Variants in AAK1 observed in about 807,000 individuals in gnomAD.
AAK1 encodes the protein AP2 associated kinase 1.
AAK1 carries 37 observed loss-of-function variants against 116.0 expected under a neutral mutation model. The observed-to-expected ratio is 0.32, with a 90% confidence interval of 0.25 to 0.42. The LOEUF (loss-of-function observed/expected upper bound fraction) is 0.42. Among genes scored for constraint, AAK1 ranks in the 10% least tolerant of loss-of-function variants. The probability of loss-of-function intolerance (pLI) is 1.00; values close to 1 mark genes in which losing one functional copy is unlikely to be tolerated. For synonymous variants in AAK1, 458 were observed against 439.9 expected, an observed-to-expected ratio of 1.04 and a Z score of -0.51; for missense variants, 919 against 1,170.6, an observed-to-expected ratio of 0.79 and a Z score of 3.14.
intron 3 of AAK1, among the ~76,000 whole-genome samples, chr2:69,553,630 C>G (rs72837959): frequency 1.1e-4 from 16 of 151,130 alleles, no homozygotes; most frequent in African/African-American, 3.9e-4. Flanking sequence ...TTTTAGTAGA[C>G]AAGGGTTTCC....
rs138493453 is a variant in AAK1 at position 69,478,927 on chromosome 2, G to T, written c.2680+24C>A. The T allele has an allele frequency of 2.0e-4, 303 of 1,544,846 alleles. No homozygotes were observed. The Middle Eastern group carries it at 2.0e-3, about 10-fold the overall frequency. On this transcript the variant is annotated intron_variant, in intron 20 of 21. Transcript: ENST00000409085. ...CTTTCCCCTCTAAGGACACATGTGG[G>T]CCTGAGAAGAAGAAAGCATTTACCT...
intron 2 of AAK1, among the ~76,000 whole-genome samples, chr2:69,624,349 A>G (rs983562137): frequency 1.3e-5 from 2 of 152,246 alleles, no homozygotes; most frequent in African/African-American, 4.8e-5. Flanking sequence ...GGTTAAGTAA[A>G]TTGCAACATC....
chr2:69,533,726 C>T (rs1383191732), intron 5 of AAK1, among the ~76,000 whole-genome samples: 1 of 152,148 alleles, frequency 6.6e-6, no homozygotes, highest in Non-Finnish European at 1.5e-5. Flanking sequence ...TAGCTGGGGG[C>T]ACTACTACCC....
chr2:69,500,692 TATATATACACACACAC>T (rs1484864235), intron 16 of AAK1, among the ~76,000 whole-genome samples: 7 of 113,474 alleles, frequency 6.2e-5, no homozygotes, highest in African/African-American at 2.8e-4. Context: ...TATATATATA[TATATATACACACACAC>T]ACACACACAC....
chr2:69,537,720 T>C (rs1670535131), intron 5 of AAK1, among the ~76,000 whole-genome samples: 1 of 152,182 alleles, frequency 6.6e-6, no homozygotes, highest in African/African-American at 2.4e-5. Flanking sequence ...ACAGGAGCAC[T>C]TGGGGAAGCT....
At chr2:69,496,330 T>C (rs181852711) in intron 16 of AAK1, among the ~76,000 whole-genome samples, 1,612 of 143,150 alleles carry the variant, frequency 0.011, 29 homozygotes, top group African/African-American at 0.042. Flanking sequence ...TGGAGTGCAA[T>C]GGCACAATCT....
At chr2:69,574,498 G>A (rs190350189) in intron 2 of AAK1, among the ~76,000 whole-genome samples, 169 of 151,778 alleles carry the variant, frequency 1.1e-3, no homozygotes, top group African/African-American at 4.1e-3. Flanking sequence ...CTGGAGCCAG[G>A]GAGTTCAAGG....
intron 16 of AAK1, 98 bp downstream of exon 16, chr2:69,505,471 T>C: frequency 1.2e-6 from 1 of 809,140 alleles, no homozygotes; most frequent in Non-Finnish European, 2.0e-6. Context: ...ACTGCCAGGA[T>C]TTGGATTTCA....
At chr2:69,544,349 G>A (rs551977004) in intron 4 of AAK1, 87 bp downstream of exon 4, 3 of 989,418 alleles carry the variant, frequency 3.0e-6, no homozygotes, top group Non-Finnish European at 4.7e-6. Flanking sequence ...ATAGAGTGCA[G>A]TGCACATTAA....
At chr2:69,551,927 C>T (rs531245951) in intron 3 of AAK1, among the ~76,000 whole-genome samples, 1 of 152,318 alleles carries the variant, frequency 6.6e-6, no homozygotes, top group East Asian at 1.9e-4. Context: ...ATGCAACGTG[C>T]CCGTTGTTCT....
At chr2:69,536,616 T>C (rs1055670242) in intron 5 of AAK1, among the ~76,000 whole-genome samples, 1 of 152,158 alleles carries the variant, frequency 6.6e-6, no homozygotes, top group African/African-American at 2.4e-5. Context: ...CCCGAACCTT[T>C]CCATTCTTTG....
chr2:69,587,216 C>G (rs1237366534), intron 2 of AAK1, among the ~76,000 whole-genome samples: 1 of 151,316 alleles, frequency 6.6e-6, no homozygotes, highest in East Asian at 1.9e-4. Flanking sequence ...TCTCGAATAG[C>G]TAGGACTACA....
intron 3 of AAK1, among the ~76,000 whole-genome samples, chr2:69,555,836 TATA>T (rs1671367136): frequency 6.6e-6 from 1 of 151,348 alleles, no homozygotes; most frequent in Admixed American, 6.6e-5. Context: ...TATAATTATG[TATA>T]ATATTACATA....
chr2:69,514,764 A>C lies in AAK1; in HGVS notation c.1498-15T>G. On this transcript the variant is annotated splice_polypyrimidine_tract_variant and intron_variant, in intron 12 of 21. Coordinates refer to ENST00000409085, the MANE Select transcript of AAK1 (RefSeq NM_014911.5). Reference sequence around the variant, plus strand: ...ACTGCCTGAAACTGAGCAAGAAATGAGGAGATGAATAAGGGCCTGTCCCAG... The same window carrying C: ...ACTGCCTGAAACTGAGCAAGAAATGCGGAGATGAATAAGGGCCTGTCCCAG... The C allele has an allele frequency of 6.4e-7, 1 of 1,562,804 alleles. No homozygotes were observed. Among genetic ancestry groups the C allele is most frequent in the Middle Eastern group, 1.7e-4 (1 of 5,810 alleles).
At chr2:69,520,395 G>A (rs539847204) in intron 11 of AAK1, among the ~76,000 whole-genome samples, 47 of 136,168 alleles carry the variant, frequency 3.5e-4, no homozygotes, top group African/African-American at 1.3e-3. Flanking sequence ...AGTTTCACTC[G>A]TCACCCAGGC....
At chr2:69,581,262 C>G (rs949888492) in intron 2 of AAK1, among the ~76,000 whole-genome samples, 1 of 152,094 alleles carries the variant, frequency 6.6e-6, no homozygotes, top group Non-Finnish European at 1.5e-5. Context: ...TACAGGCACA[C>G]GCCACCACAC....
At chr2:69,522,142 C>A (rs559346050) in intron 10 of AAK1, among the ~76,000 whole-genome samples, 81 of 152,340 alleles carry the variant, frequency 5.3e-4, no homozygotes, top group African/African-American at 1.8e-3. Context: ...CAGCTAGCTA[C>A]TACCTAACTC....
At chr2:69,513,498 T>A (rs1676470235) in intron 13 of AAK1, among the ~76,000 whole-genome samples, 1 of 152,068 alleles carries the variant, frequency 6.6e-6, no homozygotes, top group South Asian at 2.1e-4. Flanking sequence ...TTTTTTTTTG[T>A]ATTTTTAGTA....
rs1490093817 is a variant in AAK1, at chr2:69,609,170, TG to T, written c.163+33707del. On this transcript the variant is annotated intron_variant, in intron 2 of 21. Transcript: ENST00000409085. Reference sequence around the variant, plus strand: ...TGAGGTCAGGAGTTCAAGGCCAGCCTGGCCAACATAGTGGAACCCCATCTCT... The same window carrying T: ...TGAGGTCAGGAGTTCAAGGCCAGCCTGCCAACATAGTGGAACCCCATCTCT... Among the ~76,000 whole-genome samples the T allele has an allele frequency of 2.0e-5, 3 of 152,080 alleles. No homozygotes were observed. In the East Asian group the frequency reaches 5.8e-4, roughly 29 times the overall value.
Sources: allele counts gnomAD v4.1 joint callset (sites outside exome capture counted in the v4.1 genomes callset), GRCh38; gene constraint gnomAD v4.1.1; transcripts MANE v1.5; gene names NCBI Gene and HGNC (gene_info 2026-07-23, HGNC 2026-07-21).